SLC35D4: variants seen among roughly 807,000 people sequenced by gnomAD.
SLC35D4 encodes solute carrier family 35 member D4.
At chr18:23,303,210 A>T in the SLC35D4 span, among the ~76,000 whole-genome samples, 2 of 152,034 alleles carry the variant, frequency 1.3e-5, no homozygotes, top group African/African-American at 2.4e-5. Context: ...AGCACAGTCC[A>T]CTCTTCTGGT....
At chr18:23,287,561 AAAC>A in the SLC35D4 span, among the ~76,000 whole-genome samples, 2 of 152,152 alleles carry the variant, frequency 1.3e-5, no homozygotes, top group Admixed American at 6.5e-5. Context: ...ATCCCTTCCA[AAAC>A]AACAACTCCT....
At chr18:23,283,128 G>A in the SLC35D4 span, among the ~76,000 whole-genome samples, 3 of 152,094 alleles carry the variant, frequency 2.0e-5, no homozygotes, top group Admixed American at 1.3e-4. Context: ...ACTCCAAGAG[G>A]GTGTTCTTGG....
the SLC35D4 span, among the ~76,000 whole-genome samples, chr18:23,264,472 C>T: frequency 1.3e-5 from 2 of 150,740 alleles, no homozygotes; most frequent in African/African-American, 4.9e-5. Flanking sequence ...AAGCGATTCT[C>T]CTGCCCCAGC....
the SLC35D4 span, among the ~76,000 whole-genome samples, chr18:23,277,860 G>A: frequency 8.5e-5 from 13 of 152,192 alleles, no homozygotes; most frequent in Admixed American, 2.0e-4. Flanking sequence ...TTGGGGCTCC[G>A]AGGAGGAGGG....
At chr18:23,258,836 T>C in the SLC35D4 span, 4 of 152,164 alleles carry the variant, frequency 2.6e-5, no homozygotes, top group African/African-American at 9.7e-5. Context: ...TGTCAGATTC[T>C]TGACAGTCTT....
chr18:23,268,748 G>A, the SLC35D4 span, among the ~76,000 whole-genome samples: 1 of 152,154 alleles, frequency 6.6e-6, no homozygotes, highest in Admixed American at 6.5e-5. Context: ...TTAGTAGGAA[G>A]CGGCTGGAGG....
At chr18:23,262,622 C>T in the SLC35D4 span, among the ~76,000 whole-genome samples, 1 of 152,202 alleles carries the variant, frequency 6.6e-6, no homozygotes, top group Non-Finnish European at 1.5e-5. Flanking sequence ...TTACCAGGTG[C>T]CGTGAGGCTG....
the SLC35D4 span, among the ~76,000 whole-genome samples, chr18:23,403,891 G>A: frequency 3.9e-5 from 6 of 152,076 alleles, no homozygotes; most frequent in South Asian, 2.1e-4. Context: ...TATACAAGGC[G>A]GGCAGATCAC....
the SLC35D4 span, among the ~76,000 whole-genome samples, chr18:23,384,183 C>T: frequency 6.6e-6 from 1 of 152,032 alleles, no homozygotes; most frequent in Non-Finnish European, 1.5e-5. Context: ...CTCAGCTGCT[C>T]AGGAGGCTGG....
chr18:23,430,542 A>C, the SLC35D4 span: 1 of 1,133,172 alleles, frequency 8.8e-7, no homozygotes, highest in African/African-American at 1.6e-5. Context: ...TGACAAAAAA[A>C]ATCTATGCAG....
At chr18:23,246,645 C>T in the SLC35D4 span, among the ~76,000 whole-genome samples, 1 of 151,684 alleles carries the variant, frequency 6.6e-6, no homozygotes, top group Non-Finnish European at 1.5e-5. Context: ...CCCACCTTGG[C>T]CTCCCAAAGT....
the SLC35D4 span, chr18:23,370,406 C>A: frequency 4.5e-5 from 31 of 695,974 alleles, no homozygotes; most frequent in African/African-American, 5.2e-4. Flanking sequence ...TCACACCCAG[C>A]TGACAGGAGA....
the SLC35D4 span, among the ~76,000 whole-genome samples, chr18:23,366,622 G>T: frequency 6.6e-6 from 1 of 152,178 alleles, no homozygotes; most frequent in Non-Finnish European, 1.5e-5. Context: ...ACCACCACAA[G>T]GAATCCCTAG....
chr18:23,336,770 G>C, the SLC35D4 span, among the ~76,000 whole-genome samples: 1 of 152,182 alleles, frequency 6.6e-6, no homozygotes, highest in Non-Finnish European at 1.5e-5. Flanking sequence ...CCCCTCTTCT[G>C]TGATTACCGT....
chr18:23,338,122 C>T, the SLC35D4 span, among the ~76,000 whole-genome samples: 1 of 152,296 alleles, frequency 6.6e-6, no homozygotes, highest in Non-Finnish European at 1.5e-5. Flanking sequence ...ATGGAAACCA[C>T]CAAACATATA....
chr18:23,249,666 A>G, the SLC35D4 span, among the ~76,000 whole-genome samples: 1 of 152,046 alleles, frequency 6.6e-6, no homozygotes, highest in Non-Finnish European at 1.5e-5. Context: ...TTCTCATCTC[A>G]TCTCGTTTTG....
chr18:23,254,318 A>T, the SLC35D4 span, among the ~76,000 whole-genome samples: 1 of 152,180 alleles, frequency 6.6e-6, no homozygotes, highest in African/African-American at 2.4e-5. Context: ...CTACTTCCTT[A>T]GCTGGCTCCT....
At chr18:23,273,090 T>G in the SLC35D4 span, among the ~76,000 whole-genome samples, 1 of 152,214 alleles carries the variant, frequency 6.6e-6, no homozygotes, top group Non-Finnish European at 1.5e-5. Flanking sequence ...AGAGCCAGCT[T>G]AGACCAACTG....
the SLC35D4 span, among the ~76,000 whole-genome samples, chr18:23,417,529 T>G: frequency 6.6e-6 from 1 of 151,898 alleles, no homozygotes; most frequent in African/African-American, 2.4e-5. Flanking sequence ...GAGGGGAGAA[T>G]GGGAAGATAT....
Sources: gnomAD v4.1 joint callset for allele counts (sites outside exome capture counted in the v4.1 genomes callset) on GRCh38, gnomAD v4.1.1 for gene constraint, MANE v1.5 for transcripts, NCBI Gene and HGNC (gene_info 2026-07-23, HGNC 2026-07-21) for gene names.